The following ARMC9 variants were observed in gnomAD, a reference collection of about 807,000 sequenced individuals.
The protein encoded by ARMC9 is lisH domain-containing protein ARMC9.
In ARMC9, 94 loss-of-function variants were observed where a neutral mutation model predicts 107.0. The observed-to-expected ratio is 0.88, with a 90% CI of 0.74 to 1.04. The LOEUF (loss-of-function observed/expected upper bound fraction) is 1.04, where lower values mean the gene tolerates loss of function less well. ARMC9 is among the 50% of genes least tolerant of loss of function. The pLI, the probability that ARMC9 is intolerant of heterozygous loss-of-function variation, is 0.00. For synonymous variants in ARMC9, 380 were observed against 396.9 expected (o/e 0.96, Z 0.51); for missense variants, 942 against 1,030.1 (o/e 0.91, Z 1.17).
At chr2:231,332,118 T>C (rs150123224) in intron 20 of ARMC9, among the ~76,000 whole-genome samples, 80 of 152,284 alleles carry the variant, frequency 5.3e-4, no homozygotes, top group African/African-American at 1.8e-3. Flanking sequence ...GGGAAAGATA[T>C]AACTAGAAGG....
intron 20 of ARMC9, among the ~76,000 whole-genome samples, chr2:231,333,293 G>A (rs535222342): frequency 9.8e-5 from 15 of 152,338 alleles, no homozygotes; most frequent in East Asian, 7.7e-4. Context: ...GGAGGTGAGA[G>A]CAAGGAAGTG....
chr2:231,279,328 A>G (rs891841349), intron 16 of ARMC9, among the ~76,000 whole-genome samples: 2 of 152,102 alleles, frequency 1.3e-5, no homozygotes, highest in African/African-American at 4.8e-5. Context: ...ATCAAATATG[A>G]TTATTCTCTC....
Position 231,302,073 on chromosome 2 carries a change from T to C in ARMC9, c.1773+5820T>C, listed in dbSNP as rs567016237. On this transcript the variant is annotated intron_variant, in intron 19 of 24. Transcript: ENST00000611582. ...CTAACCCTAAATTTTACATGTAGTC[T>C]CCTAGGTTTTCTTTTAAGATTTTAA... 1.4e-4 allele frequency among the ~76,000 whole-genome samples: 22 copies of C among 152,304 alleles called. 1 individual carries two copies. In the South Asian group the frequency reaches 4.6e-3, roughly 32 times the overall value.
intron 20 of ARMC9, among the ~76,000 whole-genome samples, chr2:231,336,748 G>T (rs1160606375): frequency 6.6e-6 from 1 of 152,230 alleles, no homozygotes; most frequent in Admixed American, 6.5e-5. Flanking sequence ...AGAATCTGAG[G>T]CTGTGGCAGT....
intron 22 of ARMC9, among the ~76,000 whole-genome samples, chr2:231,359,975 G>C (rs1004698512): frequency 3.1e-4 from 47 of 152,314 alleles, no homozygotes; most frequent in African/African-American, 1.1e-3. Flanking sequence ...AGAGGAGCTT[G>C]GCCTAAGGGA....
At chr2:231,355,202 G>A (rs1025039327) in intron 21 of ARMC9, among the ~76,000 whole-genome samples, 1 of 152,128 alleles carries the variant, frequency 6.6e-6, no homozygotes, top group Non-Finnish European at 1.5e-5. Flanking sequence ...AGTTGAGTGT[G>A]GAGGCGCCCA....
intron 19 of ARMC9, among the ~76,000 whole-genome samples, chr2:231,319,809 G>A (rs2042901551): frequency 6.6e-6 from 1 of 152,012 alleles, no homozygotes; most frequent in Non-Finnish European, 1.5e-5. Flanking sequence ...GACCACACGG[G>A]GACATGATCA....
intron 7 of ARMC9, among the ~76,000 whole-genome samples, chr2:231,230,625 C>T (rs75840419): frequency 0.018 from 2,723 of 152,238 alleles, 84 homozygotes; most frequent in African/African-American, 0.063. Context: ...ACAAGGATTG[C>T]TTCCAGGACC....
intron 19 of ARMC9, among the ~76,000 whole-genome samples, chr2:231,309,516 A>G (rs1292497765): frequency 1.3e-5 from 2 of 152,178 alleles, no homozygotes; most frequent in Admixed American, 6.5e-5. Flanking sequence ...TAATAAATAA[A>G]TACGTTTCTA....
chr2:231,254,987 C>G (rs111690073), intron 9 of ARMC9, among the ~76,000 whole-genome samples: 1 of 152,316 alleles, frequency 6.6e-6, no homozygotes, highest in African/African-American at 2.4e-5. Flanking sequence ...ACACCAAATA[C>G]AGTTAACACT....
At position 231,222,798 on chromosome 2, in the gene ARMC9, C is replaced by G. The variant is rs780766885; in HGVS notation, c.575C>G (p.Thr192Arg). 6.3e-7 allele frequency: 1 copy of G among 1,590,458 alleles called. No homozygotes were observed. Among genetic ancestry groups the G allele is most frequent in the Non-Finnish European group, 8.6e-7 (1 of 1,160,346 alleles). The change falls in exon 6 of 25, where the codon ACG (threonine) becomes AGG (arginine). Residue 192 changes from threonine (T) to arginine (R), a missense_variant. Thr to Arg is a moderately conservative substitution (Grantham distance 71, BLOSUM62 -1). Transcript: ENST00000611582. Reference sequence around the variant, plus strand: ...GCTTTAATATCTAAAGCCAGCAACACGCCAAAGCTTTTAACAATATATGTA... The same window carrying G: ...GCTTTAATATCTAAAGCCAGCAACAGGCCAAAGCTTTTAACAATATATGTA... ...FLALISKASN[T>R]PKLLTIYKEN...
intron 23 of ARMC9, among the ~76,000 whole-genome samples, chr2:231,367,236 G>T (rs1431979460): frequency 6.6e-6 from 1 of 152,170 alleles, no homozygotes; most frequent in Non-Finnish European, 1.5e-5. Context: ...CAAAAAGATG[G>T]TGTCCTCTTC....
At chr2:231,352,303 A>AT (rs527917929) in intron 21 of ARMC9, among the ~76,000 whole-genome samples, 10,065 of 145,050 alleles carry the variant, frequency 0.069, 1,010 homozygotes, top group African/African-American at 0.22. Flanking sequence ...CACTGCTAGG[A>AT]TTTTTTTTTT....
At chr2:231,302,776 G>A (rs925348912) in intron 19 of ARMC9, among the ~76,000 whole-genome samples, 2 of 152,160 alleles carry the variant, frequency 1.3e-5, no homozygotes, top group African/African-American at 4.8e-5. Flanking sequence ...CCCCAGGTGG[G>A]TGGATCACCT....
intron 7 of ARMC9, among the ~76,000 whole-genome samples, chr2:231,230,874 A>C (rs9973370): frequency 1.3e-5 from 2 of 151,994 alleles, no homozygotes; most frequent in African/African-American, 2.4e-5. Flanking sequence ...AATATTTTCA[A>C]CCTGAGGTGG....
chr2:231,346,787 G>A (rs1285336946), intron 21 of ARMC9, among the ~76,000 whole-genome samples: 1 of 151,996 alleles, frequency 6.6e-6, no homozygotes, highest in African/African-American at 2.4e-5. Flanking sequence ...AGTGGTTTTG[G>A]GTCATTTGGT....
At chr2:231,353,484 A>G (rs1427976960) in intron 21 of ARMC9, among the ~76,000 whole-genome samples, 1 of 109,536 alleles carries the variant, frequency 9.1e-6, no homozygotes, top group Non-Finnish European at 1.6e-5. Context: ...ACCCGGCCAC[A>G]AAGTGACAAT....
chr2:231,225,380 T>C (rs1470547670), intron 6 of ARMC9, among the ~76,000 whole-genome samples: 1 of 152,148 alleles, frequency 6.6e-6, no homozygotes, highest in Non-Finnish European at 1.5e-5. Flanking sequence ...AAATGAAACA[T>C]ACATATGTCC....
In ARMC9 at chr2:231,362,037, G is replaced by A. The variant is rs890673935; in HGVS notation, c.2261+1154G>A. On this transcript the variant is annotated intron_variant, in intron 23 of 24. Coordinates refer to ENST00000611582, the MANE Select transcript of ARMC9 (RefSeq NM_001352754.2). This position sits in a 1 kb window ranked among gnomAD's most constrained non-coding sequence, Gnocchi z 4.7. ...AAGACCTGGGCTAGGGAAGGGTGGG[G>A]GCAGTCCCAGCTATCTTTAAGAAGC... Among the ~76,000 whole-genome samples the A allele has an allele frequency of 2.6e-5, 4 of 151,668 alleles. No homozygotes were observed. Among genetic ancestry groups the A allele is most frequent in the Non-Finnish European group, 5.9e-5 (4 of 68,020 alleles).
Sources: gnomAD v4.1 joint callset for allele counts (sites outside exome capture counted in the v4.1 genomes callset) on GRCh38, gnomAD v4.1.1 for gene constraint, Gnocchi (gnomAD v3.1) non-coding constraint, MANE v1.5 for transcripts, NCBI Gene and HGNC (gene_info 2026-07-23, HGNC 2026-07-21) for gene names.